Variants in ADGRB2 observed in about 807,000 individuals in gnomAD.
The protein encoded by ADGRB2 is brain-specific angiogenesis inhibitor 2.
ADGRB2 carries 47 observed loss-of-function variants against 178.7 expected under a neutral mutation model. The ratio of observed to expected loss-of-function variants is 0.26; its 90% CI spans 0.21 to 0.34. The LOEUF (loss-of-function observed/expected upper bound fraction) is 0.34, where lower values mean the gene tolerates loss of function less well. ADGRB2 is among the 10% of genes least tolerant of loss of function. The pLI is 1.00. For missense variants in ADGRB2, 1,584 were observed against 2,180.8 expected, an observed-to-expected ratio of 0.73 and a Z score of 5.45; for synonymous variants, 870 against 912.4, an observed-to-expected ratio of 0.95 and a Z score of 0.84.
In ADGRB2 at chr1:31,758,558, G is replaced by C. The variant is rs535816665; in HGVS notation, c.-190-1047C>G. 1 of 153,150 alleles carries C rather than the reference G, an allele frequency of 6.5e-6. No homozygotes were observed. The highest frequency in any genetic ancestry group is 1.5e-5 in the Non-Finnish European group (1 of 68,296). 9.5% of individuals were successfully genotyped at this position (153,150 alleles called of 1,614,324 possible). ...TTAGAACCCCAACTTTCCAGTCCCT[G>C]TGCAGCATCCATGGAGCTCCCCACT... is the stretch of plus-strand genomic sequence containing the variant. On this transcript the variant is annotated intron_variant, in intron 1 of 32. Coordinates refer to ENST00000373658, the MANE Select transcript of ADGRB2 (RefSeq NM_001364857.2). The surrounding 1 kb of genome is among the most constrained non-coding windows in gnomAD (Gnocchi z 4.2).
At position 31,737,699 on chromosome 1, in the gene ADGRB2, C is replaced by G; in HGVS notation, c.2829G>C (p.Ser943=). The G allele has an allele frequency of 6.2e-7, 1 of 1,613,706 alleles. No individual in the cohort carries two copies. The highest frequency in any genetic ancestry group is 1.1e-5 in the South Asian group (1 of 91,076). The change falls in exon 19 of 33, where the codon TCG becomes TCC. Residue 943 remains serine (S), a synonymous_variant. Coordinates refer to ENST00000373658, the MANE Select transcript of ADGRB2 (RefSeq NM_001364857.2). ...SVPLVIGCAV[S]CMALLTLLAI... is the part of the protein sequence containing the mutation. Reference sequence around the variant, plus strand: ...CGAGCAGGGTGAGCAGCGCCATGCACGACACTGCACAGCCGATCACCAGGG... The same window carrying G: ...CGAGCAGGGTGAGCAGCGCCATGCAGGACACTGCACAGCCGATCACCAGGG...
Position 31,744,501 on chromosome 1 carries a change from C to A in ADGRB2, c.923-144G>T. 7.0e-7 allele frequency: 1 copy of A among 1,431,106 alleles called. No homozygotes were observed. Among genetic ancestry groups the A allele is most frequent in the Non-Finnish European group, 9.5e-7 (1 of 1,050,096 alleles). 88.7% of individuals were successfully genotyped at this position (1,431,106 alleles called of 1,614,324 possible). On this transcript the variant is annotated intron_variant, in intron 5 of 32. Transcript: ENST00000373658. This position sits in a 1 kb window ranked among gnomAD's most constrained non-coding sequence, Gnocchi z 6.7. Reference sequence around the variant, plus strand: ...CCCAAGTAACAGGCTCTTCAGGAGGCCACCCAGCCCTTCCCACAAGCTTCA... The same window carrying A: ...CCCAAGTAACAGGCTCTTCAGGAGGACACCCAGCCCTTCCCACAAGCTTCA...
In ADGRB2 at chr1:31,740,672, A is replaced by C; in HGVS notation, c.1795-131T>G. 4 of 933,732 alleles carry C rather than the reference A, an allele frequency of 4.3e-6. No individual in the cohort carries two copies. Among genetic ancestry groups the C allele is most frequent in the Non-Finnish European group, 6.2e-6 (4 of 641,284 alleles). 57.8% of individuals were successfully genotyped at this position (933,732 alleles called of 1,614,324 possible). On this transcript the variant is annotated intron_variant, in intron 11 of 32. Coordinates refer to ENST00000373658, the MANE Select transcript of ADGRB2 (RefSeq NM_001364857.2). The surrounding 1 kb of genome is among the most constrained non-coding windows in gnomAD (Gnocchi z 5.9). Reference sequence around the variant, plus strand: ...AAGGGGGAAAAGGTCAGAGAGGCTCAAAGGGGCACACAGGGGAGACAGAGT... The same window carrying C: ...AAGGGGGAAAAGGTCAGAGAGGCTCCAAGGGGCACACAGGGGAGACAGAGT...
At position 31,740,553 on chromosome 1, in the gene ADGRB2, G is replaced by C; in HGVS notation, c.1795-12C>G. ...AGGTGCTCCCTAAGCTGTAGGTGATGAGGGGGCCACAGTCACTGAAGTGTC... is the reference window on the plus strand; with the variant it reads ...AGGTGCTCCCTAAGCTGTAGGTGATCAGGGGGCCACAGTCACTGAAGTGTC... On this transcript the variant is annotated splice_polypyrimidine_tract_variant and intron_variant, in intron 11 of 32. Coordinates refer to ENST00000373658, the MANE Select transcript of ADGRB2 (RefSeq NM_001364857.2). This position sits in a 1 kb window ranked among gnomAD's most constrained non-coding sequence, Gnocchi z 5.9. The C allele has an allele frequency of 6.3e-7, 1 of 1,585,154 alleles. No individual in the cohort carries two copies.
rs201385356 is a variant in ADGRB2, at chr1:31,735,606, G to A, written c.3327C>T (p.Ser1109=). The part of the protein sequence containing the change: ...FNKLMARDGI[S]DKSKKQRAGS... ...CGGCCCTCTGCTTCTTGGATTTGTC[G>A]GAGATGCCATCACGTGCCATGAGCT... The change falls in exon 24 of 33, where the codon TCC becomes TCT. Residue 1109 remains serine, a synonymous_variant. Transcript: ENST00000373658. This position sits in a 1 kb window ranked among gnomAD's most constrained non-coding sequence, Gnocchi z 6.0. 23 of 1,613,816 alleles carry A rather than the reference G, an allele frequency of 1.4e-5. No individual in the cohort carries two copies. Among genetic ancestry groups the A allele is most frequent in the East Asian group, 4.5e-5 (2 of 44,874 alleles).
At chr1:31,748,794 C>A (rs1646409862) in intron 4 of ADGRB2, among the ~76,000 whole-genome samples, 1 of 152,150 alleles carries the variant, frequency 6.6e-6, no homozygotes, top group South Asian at 2.1e-4. Flanking sequence ...CATAACTATT[C>A]TGTTCTGAAT....
intron 4 of ADGRB2, among the ~76,000 whole-genome samples, chr1:31,748,322 G>C (rs1434923394): frequency 6.6e-6 from 1 of 152,230 alleles, no homozygotes; most frequent in East Asian, 1.9e-4. Flanking sequence ...CAAGCCCAAG[G>C]CCACACAGCC....
At chr1:31,762,579 T>C (rs529949116) in intron 1 of ADGRB2, among the ~76,000 whole-genome samples, 1 of 152,304 alleles carries the variant, frequency 6.6e-6, no homozygotes, top group Non-Finnish European at 1.5e-5. Flanking sequence ...AAAGGACTCT[T>C]GACTTGCTGC....
At position 31,737,338 on chromosome 1, in the gene ADGRB2, T is replaced by A. The variant is rs534704581; in HGVS notation, c.2979+91A>T. 3.4e-5 allele frequency: 41 copies of A among 1,215,328 alleles called. No individual in the cohort carries two copies. The South Asian group carries it at 5.0e-4, about 15-fold the overall frequency. 75.3% of individuals were successfully genotyped at this position (1,215,328 alleles called of 1,614,324 possible). On this transcript the variant is annotated intron_variant, in intron 20 of 32. Coordinates refer to ENST00000373658, the MANE Select transcript of ADGRB2 (RefSeq NM_001364857.2). Reference sequence around the variant, plus strand: ...TGGGGCACACATACACCACCACTAATGGACGTACAAGCAAACACACACACT... The same window carrying A: ...TGGGGCACACATACACCACCACTAAAGGACGTACAAGCAAACACACACACT...
chr1:31,763,810 C>A, intron 1 of ADGRB2, 74 bp downstream of exon 1: 1 of 985,216 alleles, frequency 1.0e-6, no homozygotes, highest in Non-Finnish European at 1.2e-6. Context: ...GAGTCCGGGC[C>A]GGTGCGGAAA....
chr1:31,736,603 C>G lies in ADGRB2; in HGVS notation c.3100G>C (p.Val1034Leu). Residue 1034 changes from valine (V) to leucine (L), a missense_variant, in exon 21 of 33, where the codon GTT becomes CTT. Val to Leu is a conservative substitution (Grantham distance 32, BLOSUM62 1). Coordinates refer to ENST00000373658, the MANE Select transcript of ADGRB2 (RefSeq NM_001364857.2). ...CCCAGGCAGAGGAAGCGCTTGCGAA[C>G]GAGGCGGGTGCGCATCCGCCCAATG... ...AVIGRMRTRL[V>L]RKRFLCLGWG... 6.2e-7 allele frequency: 1 copy of G among 1,614,114 alleles called. No homozygotes were observed.
rs557764909 is a variant in ADGRB2, at chr1:31,736,808, G to A, written c.2980-85C>T. 9.0e-4 allele frequency: 1,348 copies of A among 1,505,322 alleles called. 12 individuals carry two copies. The African/African-American group carries it at 0.016, about 18-fold the overall frequency. The allele number at this position is 1,505,322 out of a possible 1,614,324, so 93.2% of individuals were successfully genotyped here. On this transcript the variant is annotated intron_variant, in intron 20 of 32. Transcript: ENST00000373658. The stretch of plus-strand genomic sequence containing the variant: ...GGGCTTCCCACGCCCGCTGCTGGGC[G>A]CTGCCACAGCCGCCCACCTGAGCCC...
Position 31,744,174 on chromosome 1 carries a change from GGGA to G in ADGRB2, c.1087+16_1087+18del, listed in dbSNP as rs1228110439. 4 of 1,509,694 alleles carry G rather than the reference GGGA, an allele frequency of 2.6e-6. No homozygotes were observed. Among genetic ancestry groups the G allele is most frequent in the Non-Finnish European group, 3.6e-6 (4 of 1,123,336 alleles). 93.5% of individuals were successfully genotyped at this position (1,509,694 alleles called of 1,614,324 possible). A position where few individuals can be genotyped will look rare whatever the true frequency, so the allele number is the denominator to read the frequency against. On this transcript the variant is annotated intron_variant, in intron 6 of 32. Transcript: ENST00000373658. This position sits in a 1 kb window ranked among gnomAD's most constrained non-coding sequence, Gnocchi z 6.7. Reference sequence around the variant, plus strand: ...CCTAACCCTGCAGGCAGGTGGGGTGGGGAGGAGGATGGGCCTACCTGGGCAGGT... The same window carrying G: ...CCTAACCCTGCAGGCAGGTGGGGTGGGGAGGATGGGCCTACCTGGGCAGGT...
rs763898942 is a variant in ADGRB2 at position 31,728,666 on chromosome 1, G to A, written c.4381-33C>T. On this transcript the variant is annotated intron_variant, in intron 29 of 32. Coordinates refer to ENST00000373658, the MANE Select transcript of ADGRB2 (RefSeq NM_001364857.2). The surrounding 1 kb of genome is among the most constrained non-coding windows in gnomAD (Gnocchi z 6.7). The stretch of plus-strand genomic sequence containing the variant: ...GGAGCAACAAGGAGGCAATGGAGGA[G>A]AAGAAAGCTTTTTACCACCGGCAGG... The A allele has an allele frequency of 5.6e-6, 9 of 1,613,380 alleles. No homozygotes were observed. Among genetic ancestry groups the A allele is most frequent in the Admixed American group, 1.7e-5 (1 of 60,002 alleles).
intron 4 of ADGRB2, among the ~76,000 whole-genome samples, chr1:31,750,589 G>C (rs1185933354): frequency 6.6e-6 from 1 of 152,104 alleles, no homozygotes; most frequent in East Asian, 1.9e-4. Flanking sequence ...CACAGGGAGA[G>C]AGCGCTGTGA....
Position 31,744,610 on chromosome 1 carries a change from GC to G in ADGRB2, c.922+37del. ...CACACCACCAGACGCACACAGTCGG[GC>G]CCCCGCCGCAGAGGAAGGGAGGCGG... On this transcript the variant is annotated intron_variant, in intron 5 of 32. Transcript: ENST00000373658. The surrounding 1 kb of genome is among the most constrained non-coding windows in gnomAD (Gnocchi z 6.7). 3.7e-6 allele frequency: 6 copies of G among 1,606,562 alleles called. No individual in the cohort carries two copies. Among genetic ancestry groups the G allele is most frequent in the Non-Finnish European group, 5.1e-6 (6 of 1,175,084 alleles).
intron 4 of ADGRB2, among the ~76,000 whole-genome samples, chr1:31,746,665 C>A (rs368991179): frequency 2.0e-5 from 3 of 152,130 alleles, no homozygotes; most frequent in Non-Finnish European, 4.4e-5. Flanking sequence ...ACTCTCTCAG[C>A]GATGACCTCA....
In ADGRB2 at chr1:31,764,032, C is replaced by A. The variant is rs1157780683; in HGVS notation, c.-339G>T. On this transcript the variant is annotated 5_prime_UTR_variant, in exon 1 of 33. Transcript: ENST00000373658. This position sits in a 1 kb window ranked among gnomAD's most constrained non-coding sequence, Gnocchi z 7.3. The stretch of plus-strand genomic sequence containing the variant: ...GGGCCGAGGCTCCCGCTCTCCCGGG[C>A]GGCGGGTGCAGAAAAGGCGCCGCGG... 10 of 861,836 alleles carry A rather than the reference C, an allele frequency of 1.2e-5. No homozygotes were observed. The highest frequency in any genetic ancestry group is 2.1e-5 in the African/African-American group (1 of 47,708). 53.4% of individuals were successfully genotyped at this position (861,836 alleles called of 1,614,324 possible). A position where few individuals can be genotyped will look rare whatever the true frequency, so the allele number is the denominator to read the frequency against.
At position 31,727,683 on chromosome 1, in the gene ADGRB2, C is replaced by A. The variant is rs1411196789; in HGVS notation, c.4573-78G>T. 4 of 1,376,280 alleles carry A rather than the reference C, an allele frequency of 2.9e-6. No homozygotes were observed. In the Admixed American group the frequency reaches 9.3e-5, roughly 32 times the overall value. 85.3% of individuals were successfully genotyped at this position (1,376,280 alleles called of 1,614,324 possible). Reference sequence around the variant, plus strand: ...GTACAGACGATCAAACTGAGGAGTCCCAGAGAGGGCTGGTAATGCCCAAAG... The same window carrying A: ...GTACAGACGATCAAACTGAGGAGTCACAGAGAGGGCTGGTAATGCCCAAAG... On this transcript the variant is annotated intron_variant, in intron 32 of 32. Coordinates refer to ENST00000373658, the MANE Select transcript of ADGRB2 (RefSeq NM_001364857.2). This position sits in a 1 kb window ranked among gnomAD's most constrained non-coding sequence, Gnocchi z 4.4.
Sources: allele counts gnomAD v4.1 joint callset (sites outside exome capture counted in the v4.1 genomes callset), GRCh38; gene constraint gnomAD v4.1.1; non-coding constraint Gnocchi (gnomAD v3.1); transcripts MANE v1.5; gene names NCBI Gene and HGNC (gene_info 2026-07-23, HGNC 2026-07-21).